The following PROX1 variants were observed in gnomAD, a reference collection of about 807,000 sequenced individuals.
The protein encoded by PROX1 is prospero homeobox protein 1.
A neutral mutation model predicts 58.8 loss-of-function variants in PROX1; 7 were observed. The observed-to-expected ratio is 0.12, with a 90% CI of 0.07 to 0.22. The LOEUF (loss-of-function observed/expected upper bound fraction) is 0.22, where lower values mean the gene tolerates loss of function less well. Among genes scored for constraint, PROX1 ranks in the 10% least tolerant of loss-of-function variants. The pLI, the probability that PROX1 is intolerant of heterozygous loss-of-function variation, is 1.00. For synonymous variants in PROX1, 350 were observed against 358.3 expected, an observed-to-expected ratio of 0.98 and a Z score of 0.26; for missense variants, 675 against 927.8, an observed-to-expected ratio of 0.73 and a Z score of 3.54.
rs561925891 is a variant in PROX1, at chr1:213,991,834, T to C, written c.-68+3351T>C. On this transcript the variant is annotated intron_variant, in intron 1 of 4. Transcript: ENST00000366958. ...GAATTTGCAGTGTTAATATAAGAAGTTTTAGGTTTCAGATTAACAAAAGAA... is the reference window on the plus strand; with the variant it reads ...GAATTTGCAGTGTTAATATAAGAAGCTTTAGGTTTCAGATTAACAAAAGAA... Among the ~76,000 whole-genome samples, 4 of 152,292 alleles carry C rather than the reference T, an allele frequency of 2.6e-5. No homozygotes were observed. The East Asian group carries it at 7.7e-4, about 29-fold the overall frequency.
At chr1:214,009,441 G>C (rs1041712541) in intron 3 of PROX1, among the ~76,000 whole-genome samples, 15 of 152,170 alleles carry the variant, frequency 9.9e-5, no homozygotes, top group African/African-American at 3.6e-4. Context: ...TTCTCCCCCA[G>C]TGTGAATATC....
At chr1:214,032,771 G>C (rs76339943) in intron 4 of PROX1, among the ~76,000 whole-genome samples, 6,011 of 152,174 alleles carry the variant, frequency 0.04, 279 homozygotes, top group Admixed American at 0.14. Flanking sequence ...CTTATGATGA[G>C]GTAATTGAAA....
chr1:213,986,416 C>G (rs1245322531), upstream of PROX1: 1 of 152,170 alleles, frequency 6.6e-6, no homozygotes, highest in Non-Finnish European at 1.5e-5. Context: ...CTCGGACATA[C>G]TAACATCGCT....
intron 1 of PROX1, among the ~76,000 whole-genome samples, chr1:213,990,999 G>A (rs1663015804): frequency 6.6e-6 from 1 of 152,158 alleles, no homozygotes. Flanking sequence ...CTATTCTGAT[G>A]CAAGATGTGA....
intron 1 of PROX1, among the ~76,000 whole-genome samples, chr1:213,994,485 C>T (rs1325358530): frequency 4.1e-4 from 62 of 151,996 alleles, no homozygotes; most frequent in Non-Finnish European, 1.0e-4. Flanking sequence ...AATGATTCAT[C>T]CTTTTTCTTG....
chr1:213,998,164 G>C lies in PROX1; in HGVS notation c.1629G>C (p.Pro543=), dbSNP rs760330623. ...LSHHPCSPAH[P]PSTAEGLSLS... ...ACCACCCTTGTTCACCAGCACACCCGCCCAGCACCGCCGAAGGGCTCTCCT... is the reference window on the plus strand; with the variant it reads ...ACCACCCTTGTTCACCAGCACACCCCCCCAGCACCGCCGAAGGGCTCTCCT... The change falls in exon 2 of 5, where the codon CCG becomes CCC. Residue 543 remains proline (P), a synonymous_variant. Transcript: ENST00000366958. The C allele has an allele frequency of 1.2e-6, 2 of 1,613,954 alleles. No individual in the cohort carries two copies. The highest frequency in any genetic ancestry group is 2.7e-5 in the African/African-American group (2 of 74,926).
intron 4 of PROX1, chr1:214,029,523 G>A (rs1045341904): frequency 3.9e-5 from 6 of 152,168 alleles, no homozygotes; most frequent in African/African-American, 1.4e-4. Flanking sequence ...GTTTGACAAG[G>A]CAGCTCTTCA....
intron 2 of PROX1, among the ~76,000 whole-genome samples, chr1:214,002,255 T>A (rs1264975886): frequency 6.6e-6 from 1 of 152,160 alleles, no homozygotes; most frequent in Non-Finnish European, 1.5e-5. Flanking sequence ...AAGGTTATAT[T>A]GTACTTGGTA....
chr1:214,028,103 A>C (rs774257909), intron 4 of PROX1, among the ~76,000 whole-genome samples: 1 of 152,138 alleles, frequency 6.6e-6, no homozygotes, highest in Non-Finnish European at 1.5e-5. Flanking sequence ...TGCCACCTGG[A>C]GCATCAGAGG....
intron 4 of PROX1, among the ~76,000 whole-genome samples, chr1:214,021,228 A>T (rs186352599): frequency 6.6e-6 from 1 of 152,334 alleles, no homozygotes; most frequent in Non-Finnish European, 1.5e-5. Context: ...ACCTTTTTTA[A>T]ACTTAATCTC....
At chr1:214,016,041 A>G (rs1420292063) in intron 4 of PROX1, among the ~76,000 whole-genome samples, 1 of 152,214 alleles carries the variant, frequency 6.6e-6, no homozygotes, top group African/African-American at 2.4e-5. Flanking sequence ...CCATTTTCTA[A>G]GGTACTAATA....
chr1:214,009,914 G>A (rs907361749), intron 3 of PROX1, among the ~76,000 whole-genome samples: 18 of 152,190 alleles, frequency 1.2e-4, no homozygotes, highest in South Asian at 2.1e-4. Flanking sequence ...ACAGTAAGCC[G>A]TCACGGGGGC....
intron 1 of PROX1, among the ~76,000 whole-genome samples, chr1:213,992,580 C>T (rs1046829779): frequency 3.9e-5 from 6 of 152,040 alleles, no homozygotes; most frequent in Non-Finnish European, 7.4e-5. Context: ...ATTAGAGGCC[C>T]ATACAAAGAT....
At chr1:213,994,398 G>T (rs928338464) in intron 1 of PROX1, among the ~76,000 whole-genome samples, 3 of 152,032 alleles carry the variant, frequency 2.0e-5, no homozygotes, top group African/African-American at 7.2e-5. Flanking sequence ...TTTTGGGGAA[G>T]GTGATATACA....
chr1:214,010,679 C>T (rs1173163117), intron 3 of PROX1, among the ~76,000 whole-genome samples: 1 of 152,146 alleles, frequency 6.6e-6, no homozygotes, highest in Non-Finnish European at 1.5e-5. Context: ...TCCAGAAAGA[C>T]ATCTTCATTT....
intron 1 of PROX1, among the ~76,000 whole-genome samples, chr1:213,989,946 A>T (rs529626972): frequency 8.0e-4 from 121 of 152,092 alleles, no homozygotes; most frequent in East Asian, 2.1e-3. Flanking sequence ...GTTCTTGGCA[A>T]CCCAGAAGGC....
rs1395102948 is a variant in PROX1 at position 214,037,544 on chromosome 1, A to T, written c.*1710A>T. 1 of 152,242 alleles carries T rather than the reference A, an allele frequency of 6.6e-6. No homozygotes were observed. Among genetic ancestry groups the T allele is most frequent in the Non-Finnish European group, 1.5e-5 (1 of 68,048 alleles). The allele number at this position is 152,242 out of a possible 1,614,324, so 9.4% of individuals were successfully genotyped here. A position where few individuals can be genotyped will look rare whatever the true frequency, so the allele number is the denominator to read the frequency against. The stretch of plus-strand genomic sequence containing the variant: ...ATGTATGAACTCAATTATTGTCAGC[A>T]CAAAGCCTTAAAACCTGCTGACTTT... On this transcript the variant is annotated 3_prime_UTR_variant, in exon 5 of 5. Coordinates refer to ENST00000366958, the MANE Select transcript of PROX1 (RefSeq NM_001270616.2).
intron 1 of PROX1, among the ~76,000 whole-genome samples, chr1:213,992,009 A>T (rs551131452): frequency 6.6e-6 from 1 of 152,362 alleles, no homozygotes; most frequent in South Asian, 2.1e-4. Flanking sequence ...CTCAAAGGAC[A>T]TTTAGAGAGT....
intron 4 of PROX1, among the ~76,000 whole-genome samples, chr1:214,031,489 G>A (rs1216773396): frequency 6.6e-6 from 1 of 151,810 alleles, no homozygotes; most frequent in Admixed American, 6.6e-5. Flanking sequence ...CCCCTCCTCC[G>A]CCCGCCCTCC....
Sources: gnomAD v4.1 joint callset for allele counts (sites outside exome capture counted in the v4.1 genomes callset) on GRCh38, gnomAD v4.1.1 for gene constraint, MANE v1.5 for transcripts, NCBI Gene and HGNC (gene_info 2026-07-23, HGNC 2026-07-21) for gene names.